The following KCNIP4 variants were observed in gnomAD, a reference collection of about 807,000 sequenced individuals.
KCNIP4 encodes Kv channel-interacting protein 4.
KCNIP4 carries 12 observed loss-of-function variants against 34.0 expected under a neutral mutation model. The observed-to-expected ratio is 0.35, with a 90% CI of 0.23 to 0.57. The LOEUF is 0.57. KCNIP4 is among the 20% of genes least tolerant of loss of function. KCNIP4 has a pLI of 0.83. For missense variants in KCNIP4, 238 were observed against 311.7 expected (o/e 0.76, Z 1.78); for synonymous variants, 124 against 102.2 (o/e 1.21, Z -1.29).
At chr4:21,476,404 G>T (rs752670080) in intron 1 of KCNIP4, among the ~76,000 whole-genome samples, 1 of 152,104 alleles carries the variant, frequency 6.6e-6, no homozygotes, top group Non-Finnish European at 1.5e-5. Flanking sequence ...TTTAAATTAG[G>T]TTATAAAGAT....
chr4:21,284,734 TTGTG>T (rs10547040), intron 1 of KCNIP4, among the ~76,000 whole-genome samples: 78,455 of 149,428 alleles, frequency 0.53, 21,599 homozygotes, highest in African/African-American at 0.72. Flanking sequence ...GTGGGTGCCC[TTGTG>T]TGTGTGTGTG....
At chr4:21,564,555 G>A (rs16871442) in intron 1 of KCNIP4, among the ~76,000 whole-genome samples, 5,378 of 152,212 alleles carry the variant, frequency 0.035, 216 homozygotes, top group East Asian at 0.17. Flanking sequence ...AGCCACTAGA[G>A]TGTGTTTCTA....
intron 1 of KCNIP4, among the ~76,000 whole-genome samples, chr4:21,789,337 T>C (rs1720121643): frequency 6.6e-6 from 1 of 152,174 alleles, no homozygotes; most frequent in African/African-American, 2.4e-5. Context: ...CAGCATTTCA[T>C]CTCAGCTGAC....
At chr4:21,314,598 G>A (rs1713536838) in intron 1 of KCNIP4, among the ~76,000 whole-genome samples, 1 of 152,122 alleles carries the variant, frequency 6.6e-6, no homozygotes, top group Non-Finnish European at 1.5e-5. Context: ...TATATCTGAG[G>A]GGAGGCTCAG....
intron 3 of KCNIP4, among the ~76,000 whole-genome samples, chr4:20,777,303 T>C (rs947995267): frequency 6.6e-5 from 10 of 152,130 alleles, no homozygotes; most frequent in African/African-American, 2.4e-4. Context: ...GAGAATAGCA[T>C]GGGGGCAACT....
At chr4:21,549,259 C>T (rs945387640) in intron 1 of KCNIP4, among the ~76,000 whole-genome samples, 2 of 152,052 alleles carry the variant, frequency 1.3e-5, no homozygotes, top group Admixed American at 6.6e-5. Flanking sequence ...GACCTATATA[C>T]CATAACTACC....
chr4:21,577,062 C>T (rs895339371), intron 1 of KCNIP4, among the ~76,000 whole-genome samples: 4 of 152,006 alleles, frequency 2.6e-5, no homozygotes, highest in Non-Finnish European at 4.4e-5. Context: ...TTAATAAATA[C>T]CACCCCATAA....
intron 1 of KCNIP4, among the ~76,000 whole-genome samples, chr4:21,521,731 T>C (rs1189626621): frequency 1.3e-5 from 2 of 152,150 alleles, no homozygotes; most frequent in African/African-American, 4.8e-5. Flanking sequence ...CTGAAATGCC[T>C]TCCTAAGTGC....
intron 1 of KCNIP4, among the ~76,000 whole-genome samples, chr4:21,600,132 G>A (rs1230941600): frequency 6.6e-6 from 1 of 151,976 alleles, no homozygotes; most frequent in African/African-American, 2.4e-5. Context: ...CCACTGAAAG[G>A]GCCAGGCTTG....
rs187994374 is a variant in KCNIP4 at position 21,444,474 on chromosome 4, C to T, written c.61+504097G>A. On this transcript the variant is annotated intron_variant, in intron 1 of 8. Coordinates refer to ENST00000382152, the MANE Select transcript of KCNIP4 (RefSeq NM_025221.6). ...TGGGATGCAAGGCTGGTTCAACATA[C>T]GCAAATCAGTAAACATAATCCAGCA... Among the ~76,000 whole-genome samples, 1,005 of 152,232 alleles carry T rather than the reference C, an allele frequency of 6.6e-3. 10 individuals are homozygous for T. Among genetic ancestry groups the T allele is most frequent in the African/African-American group, 0.022 (930 of 41,544 alleles).
rs375067219 is a variant in KCNIP4 at position 21,235,537 on chromosome 4, C to T, written c.62-352828G>A. 3.9e-5 allele frequency among the ~76,000 whole-genome samples: 6 copies of T among 152,158 alleles called. No homozygotes were observed. In the East Asian group the frequency reaches 5.8e-4, roughly 15 times the overall value. On this transcript the variant is annotated intron_variant, in intron 1 of 8. Transcript: ENST00000382152. ...TCATTGTGTTCAAGTCCTCATCAAACGTCCCTCCTCAGAGATGCCAACTTG... is the reference window on the plus strand; with the variant it reads ...TCATTGTGTTCAAGTCCTCATCAAATGTCCCTCCTCAGAGATGCCAACTTG...
intron 1 of KCNIP4, among the ~76,000 whole-genome samples, chr4:20,951,874 C>A (rs1460580415): frequency 6.6e-6 from 1 of 152,154 alleles, no homozygotes; most frequent in Non-Finnish European, 1.5e-5. Flanking sequence ...GGATGGCTGG[C>A]TTCCTTTCTT....
chr4:21,503,830 T>C (rs967446877), intron 1 of KCNIP4, among the ~76,000 whole-genome samples: 1 of 152,198 alleles, frequency 6.6e-6, no homozygotes. Context: ...TCATATTTCA[T>C]GAGAGCAGTG....
chr4:21,627,478 A>T (rs1374603617), intron 1 of KCNIP4, among the ~76,000 whole-genome samples: 2 of 152,170 alleles, frequency 1.3e-5, no homozygotes, highest in East Asian at 1.9e-4. Flanking sequence ...CTAAATACAT[A>T]ACTGCTGCTT....
chr4:21,572,343 G>A (rs1248650015), intron 1 of KCNIP4, among the ~76,000 whole-genome samples: 2 of 151,984 alleles, frequency 1.3e-5, no homozygotes, highest in African/African-American at 2.4e-5. Flanking sequence ...AGTTTATGAT[G>A]GCCTCCTGTA....
chr4:21,152,265 T>A (rs1482391514), intron 1 of KCNIP4, among the ~76,000 whole-genome samples: 1 of 152,046 alleles, frequency 6.6e-6, no homozygotes, highest in Non-Finnish European at 1.5e-5. Context: ...AATAAATAAA[T>A]AAAATAAAAT....
Position 21,399,584 on chromosome 4 carries a change from C to CTTAA in KCNIP4, c.62-516876_62-516875insTTAA, listed in dbSNP as rs200839389. On this transcript the variant is annotated intron_variant, in intron 1 of 8. Transcript: ENST00000382152. ...AGTTTGAACTGGCTTTTAAGTCACTCAAGTACTAACTGGGCTTGCCAGATA... is the reference window on the plus strand; with the variant it reads ...AGTTTGAACTGGCTTTTAAGTCACTCTTAAAAGTACTAACTGGGCTTGCCAGATA... Among the ~76,000 whole-genome samples the CTTAA allele has an allele frequency of 8.4e-3, 1,284 of 152,004 alleles. 17 individuals carry two copies. Among genetic ancestry groups the CTTAA allele is most frequent in the African/African-American group, 0.03 (1,234 of 41,462 alleles).
intron 1 of KCNIP4, among the ~76,000 whole-genome samples, chr4:21,369,171 G>A (rs753228660): frequency 4.1e-5 from 6 of 147,116 alleles, no homozygotes; most frequent in Non-Finnish European, 7.4e-5. Flanking sequence ...ATACTTAATG[G>A]TAGTGTTATG....
intron 1 of KCNIP4, among the ~76,000 whole-genome samples, chr4:21,735,348 C>A (rs1197543256): frequency 6.6e-6 from 1 of 152,082 alleles, no homozygotes; most frequent in Non-Finnish European, 1.5e-5. Context: ...AGTTATAATT[C>A]AATAAATTAA....
Sources: allele counts gnomAD v4.1 joint callset (sites outside exome capture counted in the v4.1 genomes callset), GRCh38; gene constraint gnomAD v4.1.1; transcripts MANE v1.5; gene names NCBI Gene and HGNC (gene_info 2026-07-23, HGNC 2026-07-21).